DCC: variants seen among roughly 807,000 people sequenced by gnomAD.
DCC encodes netrin receptor DCC.
Under a neutral mutation model 172.5 loss-of-function variants are expected in DCC, and 58 were observed. The ratio of observed to expected loss-of-function variants is 0.34; its 90% confidence interval spans 0.27 to 0.42. The LOEUF is 0.42. DCC is among the 10% of genes least tolerant of loss of function. DCC has a pLI of 1.00. For missense variants in DCC, 1,740 were observed against 1,791.0 expected (o/e 0.97, Z 0.51); for synonymous variants, 709 against 644.5 (o/e 1.10, Z -1.52).
intron 7 of DCC, among the ~76,000 whole-genome samples, chr18:53,134,073 T>C (rs114685358): frequency 1.0e-3 from 159 of 152,298 alleles, no homozygotes; most frequent in African/African-American, 3.7e-3. Flanking sequence ...CAGCCAGTCA[T>C]ACTCATGACT....
chr18:52,926,391 C>A (rs2040202539), intron 5 of DCC, among the ~76,000 whole-genome samples: 1 of 151,494 alleles, frequency 6.6e-6, no homozygotes, highest in South Asian at 2.1e-4. Context: ...AACATTAAAC[C>A]AGGAATGGGC....
chr18:52,590,256 A>G (rs1005263895), intron 1 of DCC, among the ~76,000 whole-genome samples: 3 of 152,074 alleles, frequency 2.0e-5, no homozygotes, highest in Admixed American at 1.3e-4. Context: ...TAACATTATC[A>G]TACAGAATGA....
At chr18:53,400,334 T>C (rs16956678) in intron 18 of DCC, among the ~76,000 whole-genome samples, 102,087 of 151,996 alleles carry the variant, frequency 0.67, 37,558 homozygotes, top group Non-Finnish European at 0.83. Context: ...GTTAAAGAGA[T>C]ACTTATGATT....
intron 1 of DCC, among the ~76,000 whole-genome samples, chr18:52,501,913 A>G (rs374130551): frequency 1.3e-4 from 20 of 152,320 alleles, no homozygotes; most frequent in East Asian, 9.7e-4. Flanking sequence ...TTACACGGAT[A>G]GTGCAGTTAA....
intron 8 of DCC, among the ~76,000 whole-genome samples, chr18:53,173,492 T>C (rs539490612): frequency 2.6e-5 from 4 of 152,010 alleles, no homozygotes; most frequent in South Asian, 2.1e-4. Flanking sequence ...TTTTTCATTG[T>C]CTCCAGTTAA....
At chr18:53,419,445 C>T (rs185404343) in intron 21 of DCC, among the ~76,000 whole-genome samples, 1 of 152,112 alleles carries the variant, frequency 6.6e-6, no homozygotes, top group Non-Finnish European at 1.5e-5. Context: ...CCCAGCCCCC[C>T]ACTACCATTC....
intron 1 of DCC, among the ~76,000 whole-genome samples, chr18:52,438,659 T>TA (rs1288667340): frequency 2.6e-5 from 4 of 152,218 alleles, no homozygotes; most frequent in African/African-American, 7.2e-5. Flanking sequence ...TAAATTAAAA[T>TA]ACTTTTTTCA....
rs1598826523 is a variant in DCC at position 52,810,698 on chromosome 18, A to G, written c.412+58324A>G. 2.6e-5 allele frequency among the ~76,000 whole-genome samples: 4 copies of G among 152,340 alleles called. No individual in the cohort carries two copies. The East Asian group carries it at 7.7e-4, about 29-fold the overall frequency. Reference sequence around the variant, plus strand: ...GATACCACTCAAAGGTGGGCATGACAGTGTAGAAAACCAATTAGGAAAGGG... The same window carrying G: ...GATACCACTCAAAGGTGGGCATGACGGTGTAGAAAACCAATTAGGAAAGGG... On this transcript the variant is annotated intron_variant, in intron 2 of 28. Transcript: ENST00000442544.
intron 5 of DCC, among the ~76,000 whole-genome samples, chr18:53,041,539 T>C (rs1440937210): frequency 1.3e-5 from 2 of 151,982 alleles, no homozygotes; most frequent in African/African-American, 4.8e-5. Flanking sequence ...AGTTTTTTTC[T>C]AATTCTTTGA....
chr18:53,349,541 C>T (rs2144895367), intron 15 of DCC, among the ~76,000 whole-genome samples: 1 of 152,284 alleles, frequency 6.6e-6, no homozygotes, highest in Middle Eastern at 3.4e-3. Flanking sequence ...AGTCTATTTT[C>T]ACACTGCTTG....
chr18:53,377,933 G>A (rs1260327717), intron 15 of DCC, among the ~76,000 whole-genome samples: 2 of 152,172 alleles, frequency 1.3e-5, no homozygotes, highest in African/African-American at 4.8e-5. Context: ...TCTGATTCCA[G>A]AAGGCTTTGC....
chr18:52,413,225 T>C (rs1986901445), intron 1 of DCC, among the ~76,000 whole-genome samples: 1 of 151,518 alleles, frequency 6.6e-6, no homozygotes, highest in Non-Finnish European at 1.5e-5. Flanking sequence ...GTTTGTTAAA[T>C]AGCTTACTCT....
intron 1 of DCC, among the ~76,000 whole-genome samples, chr18:52,441,642 T>A (rs1340179735): frequency 1.3e-5 from 2 of 152,156 alleles, no homozygotes; most frequent in Admixed American, 1.3e-4. Context: ...GAAATTTGTG[T>A]CTATAGAGGT....
intron 11 of DCC, 34 bp from the exon 12 acceptor site, chr18:53,215,514 C>T: frequency 6.3e-7 from 1 of 1,584,586 alleles, no homozygotes; most frequent in Non-Finnish European, 8.7e-7. Context: ...AAGATTTTGG[C>T]AGTAACTGTG....
chr18:52,866,619 T>C (rs754755480), intron 2 of DCC, among the ~76,000 whole-genome samples: 8 of 152,218 alleles, frequency 5.3e-5, no homozygotes, highest in Non-Finnish European at 1.2e-4. Flanking sequence ...GTAAGTTGTA[T>C]TACTAGGTAT....
chr18:52,695,120 T>C (rs931156095), intron 1 of DCC, among the ~76,000 whole-genome samples: 6 of 152,172 alleles, frequency 3.9e-5, no homozygotes, highest in African/African-American at 1.2e-4. Flanking sequence ...TAGGTCTCTT[T>C]TCTTGCCTCT....
rs778733659 is a variant in DCC at position 52,614,615 on chromosome 18, G to A, written c.92-137439G>A. ...TACATTCCTTATAGAACTTGAAGTT[G>A]TGTCTCACTCTTTCTATAAATGTGT... On this transcript the variant is annotated intron_variant, in intron 1 of 28. Transcript: ENST00000442544. 6.1e-4 allele frequency among the ~76,000 whole-genome samples: 93 copies of A among 152,254 alleles called. 1 individual carries two copies. The highest frequency in any genetic ancestry group is 2.3e-3 in the South Asian group (11 of 4,826).
intron 2 of DCC, among the ~76,000 whole-genome samples, chr18:52,863,765 A>C (rs192351568): frequency 2.1e-3 from 318 of 152,078 alleles, no homozygotes; most frequent in African/African-American, 7.2e-3. Context: ...AAATTTCATA[A>C]GACAAATCTA....
intron 18 of DCC, among the ~76,000 whole-genome samples, chr18:53,397,763 G>A (rs1909046334): frequency 6.6e-6 from 1 of 152,006 alleles, no homozygotes; most frequent in Non-Finnish European, 1.5e-5. Context: ...CAATGAACTT[G>A]GTCCAAAACA....
Sources: allele counts gnomAD v4.1 joint callset (sites outside exome capture counted in the v4.1 genomes callset), GRCh38; gene constraint gnomAD v4.1.1; transcripts MANE v1.5; gene names NCBI Gene and HGNC (gene_info 2026-07-23, HGNC 2026-07-21).